Variants in TLN2 observed in about 807,000 individuals in gnomAD.
TLN2 encodes the protein talin-2.
TLN2 carries 118 observed loss-of-function variants against 294.7 expected under a neutral mutation model. The observed-to-expected ratio is 0.40, with a 90% CI of 0.34 to 0.47. The LOEUF is 0.47. TLN2 is among the 20% of genes least tolerant of loss of function. The probability of loss-of-function intolerance (pLI) is 0.84; values close to 1 mark genes in which losing one functional copy is unlikely to be tolerated. For synonymous variants in TLN2, 1,431 were observed against 1,304.5 expected, an observed-to-expected ratio of 1.10 and a Z score of -2.09; for missense variants, 3,083 against 3,282.2, an observed-to-expected ratio of 0.94 and a Z score of 1.48.
intron 22 of TLN2, among the ~76,000 whole-genome samples, chr15:62,713,225 C>T (rs1338540866): frequency 4.2e-5 from 6 of 143,694 alleles, no homozygotes; most frequent in Non-Finnish European, 6.0e-5. Flanking sequence ...GAGCCAAGAT[C>T]GTGCCACTGC....
chr15:62,714,757 A>G (rs1455046555), intron 22 of TLN2, among the ~76,000 whole-genome samples: 1 of 152,206 alleles, frequency 6.6e-6, no homozygotes, highest in East Asian at 1.9e-4. Flanking sequence ...ATTATATTTA[A>G]TGTGCAGAAA....
rs563272785 is a variant in TLN2, at chr15:62,409,142, G to T, written c.-238+18457G>T. 2.2e-3 allele frequency among the ~76,000 whole-genome samples: 329 copies of T among 150,316 alleles called. 2 individuals carry two copies. Among genetic ancestry groups the T allele is most frequent in the Non-Finnish European group, 3.7e-3 (253 of 67,682 alleles). On this transcript the variant is annotated intron_variant, in intron 1 of 58. Transcript: ENST00000636159. Reference sequence around the variant, plus strand: ...ACAGGTGGCACCACCATGACTGACTGTTGGGGATTTTTTTTTGTAGAGACT... The same window carrying T: ...ACAGGTGGCACCACCATGACTGACTTTTGGGGATTTTTTTTTGTAGAGACT...
chr15:62,762,422 G>T lies in TLN2; in HGVS notation c.4930G>T (p.Asp1644Tyr). Reference protein sequence around the residue: ...VLAGHSHTVSDSIKSLITSIR... With the variant: ...VLAGHSHTVSYSIKSLITSIR... Reference sequence around the variant, plus strand: ...GGCTGGACATTCCCATACAGTGTCCGACTCCATCAAGAGTCTCATCACTTC... The same window carrying T: ...GGCTGGACATTCCCATACAGTGTCCTACTCCATCAAGAGTCTCATCACTTC... Residue 1644 changes from aspartate to tyrosine, a missense_variant, in exon 39 of 59, where the codon GAC (aspartate) becomes TAC (tyrosine). Transcript: ENST00000636159. The T allele has an allele frequency of 1.9e-6, 3 of 1,614,112 alleles. No homozygotes were observed. The highest frequency in any genetic ancestry group is 2.5e-6 in the Non-Finnish European group (3 of 1,180,028).
At chr15:62,663,432 A>G (rs1042022106) in intron 9 of TLN2, among the ~76,000 whole-genome samples, 5 of 152,020 alleles carry the variant, frequency 3.3e-5, no homozygotes, top group Admixed American at 2.0e-4. Context: ...AAATATCCTA[A>G]TGAGTGCAAT....
chr15:62,486,613 T>G (rs900503725), intron 1 of TLN2, among the ~76,000 whole-genome samples: 1 of 152,144 alleles, frequency 6.6e-6, no homozygotes, highest in Admixed American at 6.5e-5. Flanking sequence ...AATTATGGTT[T>G]GCATCCTTCT....
chr15:62,495,683 C>G (rs1320964931), intron 1 of TLN2, among the ~76,000 whole-genome samples: 2 of 152,220 alleles, frequency 1.3e-5, no homozygotes, highest in Non-Finnish European at 2.9e-5. Flanking sequence ...CCAGGCCTAT[C>G]ACCTATTATT....
intron 11 of TLN2, among the ~76,000 whole-genome samples, chr15:62,685,733 G>C (rs1437237619): frequency 6.6e-6 from 1 of 152,092 alleles, no homozygotes; most frequent in Non-Finnish European, 1.5e-5. Flanking sequence ...TTATTTTGTT[G>C]ATTTATGAAC....
chr15:62,714,943 T>G (rs1167935493), intron 22 of TLN2, among the ~76,000 whole-genome samples: 1 of 152,226 alleles, frequency 6.6e-6, no homozygotes, highest in Non-Finnish European at 1.5e-5. Context: ...TAGGCTGATG[T>G]GCACTTGAGA....
chr15:62,427,191 T>A (rs2034762277), intron 1 of TLN2, among the ~76,000 whole-genome samples: 1 of 152,152 alleles, frequency 6.6e-6, no homozygotes, highest in Admixed American at 6.5e-5. Context: ...CTGCATGATA[T>A]CCCTCTGGAA....
intron 11 of TLN2, chr15:62,684,033 C>T (rs2057087558): frequency 6.6e-6 from 1 of 152,258 alleles, no homozygotes; most frequent in Non-Finnish European, 1.5e-5. Context: ...TAATTTTATC[C>T]CTTGATGGTG....
chr15:62,628,640 A>G (rs1374502168), intron 3 of TLN2, among the ~76,000 whole-genome samples: 4 of 152,228 alleles, frequency 2.6e-5, no homozygotes, highest in Non-Finnish European at 5.9e-5. Flanking sequence ...ATTCCTGTGT[A>G]CAAAGCATGG....
chr15:62,590,767 T>C (rs2046014348), intron 2 of TLN2, among the ~76,000 whole-genome samples: 1 of 152,212 alleles, frequency 6.6e-6, no homozygotes, highest in South Asian at 2.1e-4. Flanking sequence ...AGGGTTCTTC[T>C]GCCGGTCTTA....
chr15:62,471,502 C>A (rs1567004326), intron 1 of TLN2, among the ~76,000 whole-genome samples: 1 of 152,222 alleles, frequency 6.6e-6, no homozygotes, highest in Admixed American at 6.5e-5. Flanking sequence ...CAGCCGCACC[C>A]TGTATGTGCC....
At chr15:62,632,505 G>T (rs967397172) in intron 3 of TLN2, among the ~76,000 whole-genome samples, 2 of 152,156 alleles carry the variant, frequency 1.3e-5, no homozygotes, top group Non-Finnish European at 2.9e-5. Context: ...AGCTCTTGGA[G>T]GGCAAGGCAG....
chr15:62,551,066 C>T (rs2042269125), intron 1 of TLN2, among the ~76,000 whole-genome samples: 1 of 152,068 alleles, frequency 6.6e-6, no homozygotes, highest in Admixed American at 6.6e-5. Context: ...GCATTCGATT[C>T]TCATAAGGAG....
intron 19 of TLN2, 33 bp downstream of exon 19, chr15:62,702,897 G>A (rs1330632342): frequency 6.3e-7 from 1 of 1,595,840 alleles, no homozygotes; most frequent in Non-Finnish European, 8.6e-7. Context: ...GTCATGGAAA[G>A]AAGTCTAAGT....
At chr15:62,756,553 G>A (rs1359852567) in intron 37 of TLN2, among the ~76,000 whole-genome samples, 1 of 152,148 alleles carries the variant, frequency 6.6e-6, no homozygotes, top group Non-Finnish European at 1.5e-5. Flanking sequence ...TACCAGTTCT[G>A]TGTTAAACCC....
chr15:62,559,051 A>T (rs1344438860), intron 1 of TLN2, among the ~76,000 whole-genome samples: 1 of 152,088 alleles, frequency 6.6e-6, no homozygotes, highest in Non-Finnish European at 1.5e-5. Context: ...CACATTCCTG[A>T]TTCTCTTCAA....
At chr15:62,488,118 C>T (rs939915049) in intron 1 of TLN2, among the ~76,000 whole-genome samples, 1 of 152,100 alleles carries the variant, frequency 6.6e-6, no homozygotes, top group African/African-American at 2.4e-5. Context: ...ACCACAAACA[C>T]ATGGTCACAT....
Sources: gnomAD v4.1 joint callset for allele counts (sites outside exome capture counted in the v4.1 genomes callset) on GRCh38, gnomAD v4.1.1 for gene constraint, MANE v1.5 for transcripts, NCBI Gene and HGNC (gene_info 2026-07-23, HGNC 2026-07-21) for gene names.